The following NPLOC4 variants were observed in gnomAD, a reference collection of about 807,000 sequenced individuals.
The protein encoded by NPLOC4 is NPL4 homolog, ubiquitin recognition factor, also known as nuclear protein localization protein 4 homolog.
In NPLOC4, 18 loss-of-function variants were observed where a neutral mutation model predicts 80.6. The observed-to-expected ratio is 0.22, with a 90% CI of 0.15 to 0.33. NPLOC4 has a LOEUF of 0.33. Ranked by LOEUF, NPLOC4 falls within the 10% of genes least tolerant of loss-of-function variation. The pLI is 1.00. For missense variants in NPLOC4, 540 were observed against 786.1 expected, an observed-to-expected ratio of 0.69 and a Z score of 3.74; for synonymous variants, 313 against 301.5, an observed-to-expected ratio of 1.04 and a Z score of -0.39.
intron 16 of NPLOC4, among the ~76,000 whole-genome samples, chr17:81,560,005 G>T (rs576664246): frequency 6.6e-6 from 1 of 151,962 alleles, no homozygotes; most frequent in East Asian, 2.0e-4. Flanking sequence ...AAAGTGCTGG[G>T]ATTATAGGTA....
In NPLOC4 at chr17:81,606,832, A is replaced by ACCTT; in HGVS notation, c.531-19_531-18insAAGG. 1 of 1,494,182 alleles carries ACCTT rather than the reference A, an allele frequency of 6.7e-7. No homozygotes were observed. The highest frequency in any genetic ancestry group is 9.1e-7 in the Non-Finnish European group (1 of 1,100,978). The allele number at this position is 1,494,182 out of a possible 1,614,324, so 92.6% of individuals were successfully genotyped here. The stretch of plus-strand genomic sequence containing the variant: ...ACTTCCCCCTACATAGAAGAGAAGC[A>ACCTT]ACTTAAACATCACATTGGTGAAAAG... On this transcript the variant is annotated intron_variant, in intron 6 of 16. Transcript: ENST00000331134.
intron 3 of NPLOC4, among the ~76,000 whole-genome samples, chr17:81,619,377 A>AAAAAAC (rs1424897472): frequency 1.3e-5 from 2 of 151,426 alleles, no homozygotes; most frequent in East Asian, 2.0e-4. Context: ...ACTCCGTCTC[A>AAAAAAC]AAAAACAAAA....
At chr17:81,617,676 C>CCCCCTA (rs2035538054) in intron 3 of NPLOC4, among the ~76,000 whole-genome samples, 1 of 151,278 alleles carries the variant, frequency 6.6e-6, no homozygotes, top group South Asian at 2.1e-4. Flanking sequence ...CCCTCCCCCT[C>CCCCCTA]CGTCTCTTTC....
chr17:81,606,569 A>G (rs2035209537), intron 7 of NPLOC4, 122 bp downstream of exon 7: 1 of 1,019,286 alleles, frequency 9.8e-7, no homozygotes, highest in South Asian at 1.7e-5. Context: ...CATTCAGTCC[A>G]TCAAAAAGTA....
At chr17:81,616,308 A>T (rs2035483105) in intron 3 of NPLOC4, among the ~76,000 whole-genome samples, 2 of 142,706 alleles carry the variant, frequency 1.4e-5, no homozygotes, top group Admixed American at 1.5e-4. Context: ...GCGACATAGC[A>T]AGACTCTGTC....
At chr17:81,573,450 T>C (rs1186188487) in intron 12 of NPLOC4, 2 of 150,748 alleles carry the variant, frequency 1.3e-5, no homozygotes, top group African/African-American at 4.9e-5. Context: ...AGGCCCCCAT[T>C]TGGCCCTTGG....
intron 3 of NPLOC4, among the ~76,000 whole-genome samples, chr17:81,621,957 A>G (rs1018172754): frequency 7.2e-5 from 11 of 152,256 alleles, no homozygotes; most frequent in Non-Finnish European, 1.5e-5. Flanking sequence ...AGAATTCTGC[A>G]AAGTCAATCA....
intron 1 of NPLOC4, among the ~76,000 whole-genome samples, chr17:81,631,438 T>TATATATATATATATA (rs1568170977): frequency 1.4e-3 from 35 of 25,890 alleles, no homozygotes; most frequent in African/African-American, 4.0e-3. Flanking sequence ...ATATATATAT[T>TATATATATATATATA]TTTTTTTTTT....
rs2033769057 is a variant in NPLOC4, at chr17:81,559,345, C to G, written c.1741G>C (p.Ala581Pro). The change falls in exon 17 of 17, where the codon GCA becomes CCA. Residue 581 changes from alanine (A) to proline (P), a missense_variant. By Grantham distance (27) the Ala-to-Pro change is conservative (BLOSUM62 -1). Transcript: ENST00000331134. ...AVGGSTHTATAAMWACQHCTF... is the reference protein window; with the variant it reads ...AVGGSTHTATPAMWACQHCTF... The stretch of plus-strand genomic sequence containing the variant: ...CAGTGCTGACAGGCCCACATGGCTG[C>G]AGTGGCCGTGTGTGTGGAGCCCCCG... 1 of 1,607,180 alleles carries G rather than the reference C, an allele frequency of 6.2e-7. No individual in the cohort carries two copies. The highest frequency in any genetic ancestry group is 8.5e-7 in the Non-Finnish European group (1 of 1,177,342).
chr17:81,600,497 C>T, intron 8 of NPLOC4, 70 bp from the exon 9 acceptor site: 1 of 1,199,964 alleles, frequency 8.3e-7, no homozygotes. Flanking sequence ...CAAGCCCTTC[C>T]ACTTCCAGCT....
chr17:81,587,599 G>A (rs1422113679), intron 12 of NPLOC4, among the ~76,000 whole-genome samples: 1 of 131,612 alleles, frequency 7.6e-6, no homozygotes, highest in African/African-American at 2.9e-5. Flanking sequence ...ACAGGCGTGA[G>A]CCACTGCGCC....
At chr17:81,559,708 G>C (rs2033784350) in intron 16 of NPLOC4, among the ~76,000 whole-genome samples, 1 of 149,488 alleles carries the variant, frequency 6.7e-6, no homozygotes, top group South Asian at 2.1e-4. Context: ...CGGGGGATGT[G>C]CATTTGGGTT....
In NPLOC4 at chr17:81,558,233, C is replaced by G. The variant is rs1222008947; in HGVS notation, c.*1026G>C. Reference sequence around the variant, plus strand: ...CCAGGGAGGTCCCAAATGGCCCTCACAAGAGGCACAGCCCCTAACGCCCTC... The same window carrying G: ...CCAGGGAGGTCCCAAATGGCCCTCAGAAGAGGCACAGCCCCTAACGCCCTC... On this transcript the variant is annotated 3_prime_UTR_variant, in exon 17 of 17. Transcript: ENST00000331134. The G allele has an allele frequency of 6.6e-6, 1 of 152,296 alleles. No homozygotes were observed. Among genetic ancestry groups the G allele is most frequent in the East Asian group, 1.9e-4 (1 of 5,202 alleles). 9.4% of individuals were successfully genotyped at this position (152,296 alleles called of 1,614,324 possible).
intron 12 of NPLOC4, 34 bp downstream of exon 12, chr17:81,588,910 A>G (rs750803053): frequency 8.8e-6 from 14 of 1,592,164 alleles, no homozygotes; most frequent in Non-Finnish European, 1.2e-5. Flanking sequence ...ACCATTCTCC[A>G]TGTACAGAGT....
intron 6 of NPLOC4, among the ~76,000 whole-genome samples, chr17:81,607,760 TC>T (rs2035244248): frequency 6.6e-6 from 1 of 152,200 alleles, no homozygotes; most frequent in African/African-American, 2.4e-5. Context: ...TCCACAGCTT[TC>T]CCCACTGACA....
rs886422408 is a variant in NPLOC4 at position 81,558,422 on chromosome 17, C to CT, written c.*836dup. ...ATCTGCAGTTGCTGCAGCTGTGTGGCTTGGTAGAAAAGTCTCAGGCACTGA... is the reference window on the plus strand; with the variant it reads ...ATCTGCAGTTGCTGCAGCTGTGTGGCTTTGGTAGAAAAGTCTCAGGCACTGA... On this transcript the variant is annotated 3_prime_UTR_variant, in exon 17 of 17. Coordinates refer to ENST00000331134, the MANE Select transcript of NPLOC4 (RefSeq NM_017921.4). 4 of 152,190 alleles carry CT rather than the reference C, an allele frequency of 2.6e-5. No homozygotes were observed. The highest frequency in any genetic ancestry group is 7.2e-5 in the African/African-American group (3 of 41,418). The allele number at this position is 152,190 out of a possible 1,614,324, so 9.4% of individuals were successfully genotyped here. A position where few individuals can be genotyped will look rare whatever the true frequency, so the allele number is the denominator to read the frequency against.
intron 1 of NPLOC4, among the ~76,000 whole-genome samples, chr17:81,635,995 C>T (rs1345168470): frequency 2.0e-5 from 3 of 146,628 alleles, no homozygotes; most frequent in African/African-American, 2.5e-5. Context: ...TTTTTTGAGA[C>T]GCAGTCTCGC....
chr17:81,588,079 G>A (rs1476333578), intron 12 of NPLOC4: 1 of 152,198 alleles, frequency 6.6e-6, no homozygotes, highest in Admixed American at 6.5e-5. Flanking sequence ...CAATGTCTGA[G>A]ATGAACAATA....
At chr17:81,597,131 A>C (rs1229343225) in intron 10 of NPLOC4, 114 bp downstream of exon 10, 1 of 732,758 alleles carries the variant, frequency 1.4e-6, no homozygotes, top group South Asian at 1.7e-5. Flanking sequence ...CAAATAAATA[A>C]ATAATGGGGC....
Sources: gnomAD v4.1 joint callset for allele counts (sites outside exome capture counted in the v4.1 genomes callset) on GRCh38, gnomAD v4.1.1 for gene constraint, MANE v1.5 for transcripts, NCBI Gene and HGNC (gene_info 2026-07-23, HGNC 2026-07-21) for gene names.